KANK1: variants seen among roughly 807,000 people sequenced by gnomAD.
KANK1 encodes the protein KN motif and ankyrin repeat domains 1, also known as KN motif and ankyrin repeat domain-containing protein 1.
Under a neutral mutation model 106.2 loss-of-function variants are expected in KANK1, and 109 were observed. The ratio of observed to expected loss-of-function variants is 1.03; its 90% CI spans 0.88 to 1.20. The LOEUF is 1.20. Among genes scored for constraint, KANK1 ranks in the 50% most tolerant of loss-of-function variants. The pLI is 0.00. For synonymous variants in KANK1, 873 were observed against 652.2 expected (o/e 1.34, Z -5.16); for missense variants, 2,399 against 1,710.7 (o/e 1.40, Z -7.10).
intron 1 of KANK1, among the ~76,000 whole-genome samples, chr9:554,374 T>C (rs564704036): frequency 2.6e-5 from 4 of 152,290 alleles, no homozygotes; most frequent in African/African-American, 9.6e-5. Context: ...TCCTCTCCCT[T>C]TTTGTTCTAT....
chr9:744,383 A>C, intron 10 of KANK1, 108 bp from the exon 11 acceptor site: 1 of 1,295,620 alleles, frequency 7.7e-7, no homozygotes, highest in South Asian at 1.5e-5. Context: ...GAGTAGGGAT[A>C]TTTGGGGAAC....
At chr9:655,423 T>C (rs1161002834) in intron 1 of KANK1, among the ~76,000 whole-genome samples, 3 of 150,128 alleles carry the variant, frequency 2.0e-5, no homozygotes, top group African/African-American at 7.4e-5. Flanking sequence ...TGTAGGTTGC[T>C]CCAGATAAAA....
intron 1 of KANK1, among the ~76,000 whole-genome samples, chr9:520,057 G>A (rs1027580772): frequency 1.3e-5 from 2 of 151,772 alleles, no homozygotes; most frequent in African/African-American, 4.9e-5. Flanking sequence ...AATGACCATA[G>A]CCGGGTGCGG....
At chr9:616,679 T>C (rs1831907613) in intron 1 of KANK1, among the ~76,000 whole-genome samples, 1 of 152,116 alleles carries the variant, frequency 6.6e-6, no homozygotes, top group African/African-American at 2.4e-5. Flanking sequence ...TCAGTGGCTT[T>C]CAACAACACA....
Position 711,364 on chromosome 9 carries a change from G to A in KANK1, c.598G>A (p.Val200Met). ...CACCACAAGCTCCCTCCCTTCTTTT[G>A]TGGGTTCTGGAAACCACAATCCTGC... Reference protein sequence around the residue: ...MGTTSSLPSFVGSGNHNPAKH... With the variant: ...MGTTSSLPSFMGSGNHNPAKH... The change falls in exon 3 of 12, where the codon GTG (valine) becomes ATG (methionine). Residue 200 changes from valine (V) to methionine (M), a missense_variant. Coordinates refer to ENST00000382297, the MANE Select transcript of KANK1 (RefSeq NM_015158.5). The A allele has an allele frequency of 1.2e-6, 2 of 1,614,122 alleles. No individual in the cohort carries two copies. The highest frequency in any genetic ancestry group is 8.5e-7 in the Non-Finnish European group (1 of 1,180,036).
At chr9:698,451 C>T (rs1030516689) in intron 2 of KANK1, among the ~76,000 whole-genome samples, 7 of 152,112 alleles carry the variant, frequency 4.6e-5, no homozygotes, top group Non-Finnish European at 7.3e-5. Context: ...CTTTTCTCTG[C>T]GGTGAGTCAT....
intron 3 of KANK1, among the ~76,000 whole-genome samples, chr9:478,930 T>C (rs2058154998): frequency 6.6e-6 from 1 of 151,992 alleles, no homozygotes; most frequent in Admixed American, 6.6e-5. Flanking sequence ...ACTTTTTTTT[T>C]TTTTTTTTTG....
At chr9:644,046 T>C (rs186528626) in intron 1 of KANK1, among the ~76,000 whole-genome samples, 6 of 150,888 alleles carry the variant, frequency 4.0e-5, no homozygotes, top group Admixed American at 2.0e-4. Context: ...CCTAGTGTAG[T>C]GTGGTGTGTC....
At chr9:488,756 T>C (rs917618289) in intron 3 of KANK1, among the ~76,000 whole-genome samples, 2 of 152,200 alleles carry the variant, frequency 1.3e-5, no homozygotes, top group Non-Finnish European at 1.5e-5. Context: ...CTGCCTGTTA[T>C]GTACAATCTC....
chr9:679,175 C>G (rs1009047219), intron 2 of KANK1, among the ~76,000 whole-genome samples: 3 of 152,152 alleles, frequency 2.0e-5, no homozygotes, highest in Non-Finnish European at 2.9e-5. Flanking sequence ...TGAATTGTTA[C>G]TGCAGACAGT....
At chr9:612,062 C>T (rs545049828) in intron 1 of KANK1, among the ~76,000 whole-genome samples, 11 of 152,292 alleles carry the variant, frequency 7.2e-5, no homozygotes, top group African/African-American at 2.6e-4. Flanking sequence ...TATAAAAGTA[C>T]ATTTAAAAAT....
chr9:608,178 C>CA (rs1829755260), intron 1 of KANK1, among the ~76,000 whole-genome samples: 1 of 149,522 alleles, frequency 6.7e-6, no homozygotes, highest in Admixed American at 6.6e-5. Flanking sequence ...GCTGGGACTA[C>CA]AGGCGCCCGC....
chr9:635,704 T>C (rs947157879), intron 1 of KANK1, among the ~76,000 whole-genome samples: 71 of 130,508 alleles, frequency 5.4e-4, no homozygotes, highest in African/African-American at 1.8e-3. Flanking sequence ...CTTTTTTTTT[T>C]TTTTTTTTTT....
chr9:610,629 C>T (rs1035177229), intron 1 of KANK1, among the ~76,000 whole-genome samples: 1 of 152,166 alleles, frequency 6.6e-6, no homozygotes, highest in Non-Finnish European at 1.5e-5. Flanking sequence ...ATGGCTACAA[C>T]CTGCAGTTTC....
intron 3 of KANK1, among the ~76,000 whole-genome samples, chr9:725,785 T>A (rs920702572): frequency 3.9e-4 from 60 of 152,186 alleles, no homozygotes; most frequent in African/African-American, 1.4e-3. Flanking sequence ...GGGCTTGTTA[T>A]TCGTTCTTTT....
intron 1 of KANK1, among the ~76,000 whole-genome samples, chr9:550,517 G>A (rs1044729797): frequency 6.6e-6 from 1 of 152,178 alleles, no homozygotes; most frequent in African/African-American, 2.4e-5. Context: ...AGCTGAGGTG[G>A]GAGGATTGGT....
chr9:609,815 A>G (rs1456430924), intron 1 of KANK1, among the ~76,000 whole-genome samples: 2 of 152,124 alleles, frequency 1.3e-5, no homozygotes, highest in African/African-American at 4.8e-5. Context: ...ATTTTTTCTC[A>G]GGCTACTTTC....
At chr9:722,064 T>C (rs992384009) in intron 3 of KANK1, among the ~76,000 whole-genome samples, 3 of 152,230 alleles carry the variant, frequency 2.0e-5, no homozygotes, top group Non-Finnish European at 2.9e-5. Context: ...CATAGCTGAC[T>C]CCGTCTTACT....
intron 2 of KANK1, chr9:693,386 T>C: frequency 2.0e-6 from 2 of 985,208 alleles, no homozygotes; most frequent in Non-Finnish European, 1.2e-6. Context: ...GCACAAACAA[T>C]GAGGAAACAT....
Sources: gnomAD v4.1 joint callset for allele counts (sites outside exome capture counted in the v4.1 genomes callset) on GRCh38, gnomAD v4.1.1 for gene constraint, MANE v1.5 for transcripts, NCBI Gene and HGNC (gene_info 2026-07-23, HGNC 2026-07-21) for gene names.